Variants in PADI4 observed in about 807,000 individuals in gnomAD.
The protein encoded by PADI4 is protein-arginine deiminase type-4.
PADI4 carries 62 observed loss-of-function variants against 75.0 expected under a neutral mutation model. The observed-to-expected ratio is 0.83, with a 90% confidence interval of 0.67 to 1.02. PADI4 has a LOEUF of 1.02. Ranked by LOEUF, PADI4 falls within the 50% of genes least tolerant of loss-of-function variation. PADI4 has a pLI of 0.00. For synonymous variants in PADI4, 361 were observed against 348.1 expected (o/e 1.04, Z -0.41); for missense variants, 845 against 850.5 (o/e 0.99, Z 0.08).
In PADI4 at chr1:17,348,027, G is replaced by A. The variant is rs1295102788; in HGVS notation, c.1134G>A (p.Glu378=). Residue 378 remains glutamate (E), a synonymous_variant, in exon 10 of 16, where the codon GAG becomes GAA. Transcript: ENST00000375448. The part of the protein sequence containing the change: ...FDSPRNRGLK[E]FPIKRVMGPD... ...CTCCAAGGAACAGAGGCCTGAAGGA[G>A]TTTCCCATCAAACGCGTGATGGTAC... is the stretch of plus-strand genomic sequence containing the variant. 2 of 1,611,920 alleles carry A rather than the reference G, an allele frequency of 1.2e-6. No individual in the cohort carries two copies. The highest frequency in any genetic ancestry group is 1.3e-5 in the African/African-American group (1 of 74,894).
chr1:17,334,002 C>G lies in PADI4; in HGVS notation c.333C>G (p.Thr111=), dbSNP rs141897176. The change falls in exon 3 of 16, where the codon ACC becomes ACG. Residue 111 remains threonine, a synonymous_variant. Coordinates refer to ENST00000375448, the MANE Select transcript of PADI4 (RefSeq NM_012387.3). ...TPPVKALLYL[T]GVEISLCADI... Reference sequence around the variant, plus strand: ...CAGTCAAAGCTCTACTCTACCTCACCGGGGTGGGTAAGTGACAACCAGGAT... The same window carrying G: ...CAGTCAAAGCTCTACTCTACCTCACGGGGGTGGGTAAGTGACAACCAGGAT... 1.9e-6 allele frequency: 3 copies of G among 1,606,932 alleles called. No individual in the cohort carries two copies. The East Asian group carries it at 6.7e-5, about 36-fold the overall frequency.
chr1:17,343,529 T>A (rs1422127287), intron 8 of PADI4, among the ~76,000 whole-genome samples: 1 of 152,194 alleles, frequency 6.6e-6, no homozygotes, highest in Non-Finnish European at 1.5e-5. Flanking sequence ...GAACTCATAT[T>A]CTGTCTTCTC....
intron 1 of PADI4, among the ~76,000 whole-genome samples, chr1:17,326,042 C>T (rs2074112638): frequency 6.6e-6 from 1 of 152,028 alleles, no homozygotes; most frequent in Non-Finnish European, 1.5e-5. Context: ...TTCACATTTT[C>T]CCTGTCAAAC....
chr1:17,350,242 T>A (rs1320263127), intron 10 of PADI4, among the ~76,000 whole-genome samples: 1 of 129,256 alleles, frequency 7.7e-6, no homozygotes, highest in Non-Finnish European at 1.7e-5. Flanking sequence ...TGGTTGTTCT[T>A]CCTGTAAGCA....
rs150896296 is a variant in PADI4, at chr1:17,354,648, C to T, written c.1271C>T (p.Pro424Leu). Residue 424 changes from proline to leucine, a missense_variant, in exon 11 of 16, where the codon CCG (proline) becomes CTG (leucine). Physicochemically the swap from Pro to Leu is moderately conservative, Grantham distance 98. Transcript: ENST00000375448. Reference protein sequence around the residue: ...PPVTVRGKEYPLGRILFGDSC... With the variant: ...PPVTVRGKEYLLGRILFGDSC... Reference sequence around the variant, plus strand: ...GTCACAGTCAGGGGCAAGGAATACCCGCTGGGCAGGATTCTCTTCGGGGAC... The same window carrying T: ...GTCACAGTCAGGGGCAAGGAATACCTGCTGGGCAGGATTCTCTTCGGGGAC... The T allele has an allele frequency of 7.1e-4, 1,138 of 1,613,452 alleles. No individual in the cohort carries two copies. The highest frequency in any genetic ancestry group is 8.8e-4 in the Non-Finnish European group (1,038 of 1,179,670).
In PADI4 at chr1:17,348,292, C is replaced by A. The variant is rs867506667; in HGVS notation, c.1155+244C>A. 9.7e-5 allele frequency: 37 copies of A among 379,842 alleles called. 1 individual carries two copies. The South Asian group carries it at 1.6e-3, about 16-fold the overall frequency. 23.5% of individuals were successfully genotyped at this position (379,842 alleles called of 1,614,324 possible). ...TGAGCTCAGCTTGATCTCCAGGTAA[C>A]CCTGCCGAGGAGGTGGCTCAGGCTT... On this transcript the variant is annotated intron_variant, in intron 10 of 15. Coordinates refer to ENST00000375448, the MANE Select transcript of PADI4 (RefSeq NM_012387.3).
At chr1:17,323,297 C>T (rs140106729) in intron 1 of PADI4, among the ~76,000 whole-genome samples, 5 of 150,544 alleles carry the variant, frequency 3.3e-5, no homozygotes, top group African/African-American at 9.8e-5. Flanking sequence ...TCTATTGTAA[C>T]CTTATGACAG....
intron 15 of PADI4, among the ~76,000 whole-genome samples, chr1:17,361,544 T>C (rs4920370): frequency 0.46 from 69,450 of 152,082 alleles, 15,827 homozygotes; most frequent in East Asian, 0.48. Context: ...CCTTGAGGAC[T>C]CATGACCCAT....
chr1:17,352,610 G>A (rs746808118), intron 10 of PADI4, among the ~76,000 whole-genome samples: 11 of 152,262 alleles, frequency 7.2e-5, no homozygotes, highest in South Asian at 4.1e-4. Context: ...TCTGACCCCC[G>A]CTATGAGAGA....
At chr1:17,333,051 C>T (rs1277144183) in intron 2 of PADI4, among the ~76,000 whole-genome samples, 1 of 152,126 alleles carries the variant, frequency 6.6e-6, no homozygotes, top group Non-Finnish European at 1.5e-5. Flanking sequence ...TCAGGGACCT[C>T]ATTTTCTGCA....
At chr1:17,336,376 G>T in intron 4 of PADI4, 150 bp downstream of exon 4, 2 of 623,150 alleles carry the variant, frequency 3.2e-6, no homozygotes, top group Non-Finnish European at 2.9e-6. Context: ...TTAATATTTT[G>T]GCTTATGTAT....
In PADI4 at chr1:17,334,002, C is replaced by T. The variant is rs141897176; in HGVS notation, c.333C>T (p.Thr111=). 7.9e-5 allele frequency: 127 copies of T among 1,607,048 alleles called. No homozygotes were observed. The African/African-American group carries it at 1.3e-3, about 16-fold the overall frequency. ...CAGTCAAAGCTCTACTCTACCTCAC[C>T]GGGGTGGGTAAGTGACAACCAGGAT... ...TPPVKALLYL[T]GVEISLCADI... The change falls in exon 3 of 16, where the codon ACC becomes ACT. Residue 111 remains threonine (T), a synonymous_variant. Coordinates refer to ENST00000375448, the MANE Select transcript of PADI4 (RefSeq NM_012387.3).
At chr1:17,344,172 CAA>C (rs2074473744) in intron 8 of PADI4, among the ~76,000 whole-genome samples, 1 of 152,130 alleles carries the variant, frequency 6.6e-6, no homozygotes, top group South Asian at 2.1e-4. Context: ...TATGTTTTAG[CAA>C]AGAGACTGGT....
chr1:17,361,752 T>C (rs1188711279), intron 15 of PADI4, among the ~76,000 whole-genome samples: 2 of 152,154 alleles, frequency 1.3e-5, no homozygotes, highest in Admixed American at 6.5e-5. Context: ...ACAGCCAAAA[T>C]CCCACCTTCC....
chr1:17,342,274 C>G, intron 7 of PADI4, 25 bp from the exon 8 acceptor site: 2 of 1,511,794 alleles, frequency 1.3e-6, no homozygotes, highest in Non-Finnish European at 1.8e-6. Context: ...ACAGCCCCTC[C>G]TTCCCCTTAC....
chr1:17,337,713 T>G (rs532872119), intron 4 of PADI4, among the ~76,000 whole-genome samples: 1 of 151,874 alleles, frequency 6.6e-6, no homozygotes, highest in Non-Finnish European at 1.5e-5. Flanking sequence ...GTCAAGAGAT[T>G]GAGCCATCCT....
Position 17,342,014 on chromosome 1 carries a change from G to C in PADI4, c.724G>C (p.Gly242Arg), listed in dbSNP as rs41265995. The C allele has an allele frequency of 1.3e-5, 21 of 1,613,888 alleles. No homozygotes were observed. In the African/African-American group the frequency reaches 2.3e-4, roughly 17 times the overall value. ...GCCCTCTCACTACCTGATGGTCCCC[G>C]GTGGAAAGCACAACATGGACTTCTA... is the stretch of plus-strand genomic sequence containing the variant. The part of the protein sequence containing the change: ...KWPSHYLMVP[G>R]GKHNMDFYVE... The change falls in exon 7 of 16, where the codon GGT (glycine) becomes CGT (arginine). Residue 242 changes from glycine to arginine, a missense_variant. By Grantham distance (125) the Gly-to-Arg change is moderately radical (BLOSUM62 -2). Transcript: ENST00000375448.
intron 2 of PADI4, among the ~76,000 whole-genome samples, chr1:17,331,458 C>T (rs1039212024): frequency 5.3e-5 from 8 of 152,236 alleles, no homozygotes; most frequent in Admixed American, 5.2e-4. Flanking sequence ...GCTGAGGGTG[C>T]AGCCCTCATG....
At chr1:17,327,776 C>A (rs1222076389) in intron 1 of PADI4, among the ~76,000 whole-genome samples, 1 of 151,626 alleles carries the variant, frequency 6.6e-6, no homozygotes, top group South Asian at 2.1e-4. Flanking sequence ...AAACTCCTAA[C>A]CTCAAGTGAT....
Sources: gnomAD v4.1 joint callset for allele counts (sites outside exome capture counted in the v4.1 genomes callset) on GRCh38, gnomAD v4.1.1 for gene constraint, MANE v1.5 for transcripts, NCBI Gene and HGNC (gene_info 2026-07-23, HGNC 2026-07-21) for gene names.